SGCE: variants seen among roughly 807,000 people sequenced by gnomAD.
SGCE encodes sarcoglycan epsilon, also known as epsilon-sarcoglycan.
Under a neutral mutation model 57.8 loss-of-function variants are expected in SGCE, and 26 were observed. The observed-to-expected ratio is 0.45, with a 90% CI of 0.33 to 0.62. The LOEUF (loss-of-function observed/expected upper bound fraction) is 0.62, where lower values mean the gene tolerates loss of function less well. Among genes scored for constraint, SGCE ranks in the 20% least tolerant of loss-of-function variants. The pLI is 0.02. For missense variants in SGCE, 468 were observed against 548.6 expected (o/e 0.85, Z 1.47); for synonymous variants, 183 against 189.5 (o/e 0.97, Z 0.28).
At chr7:94,632,819 G>C (rs376117728) in intron 1 of SGCE, among the ~76,000 whole-genome samples, 1 of 151,964 alleles carries the variant, frequency 6.6e-6, no homozygotes. Flanking sequence ...AAATGACACA[G>C]AGAATTCGAA....
At chr7:94,602,222 T>C (rs564176843) in intron 6 of SGCE, among the ~76,000 whole-genome samples, 10 of 152,236 alleles carry the variant, frequency 6.6e-5, no homozygotes, top group South Asian at 2.1e-4. Flanking sequence ...AGCACCATGA[T>C]TGAACAAATT....
chr7:94,610,253 C>G (rs1414845557), intron 5 of SGCE, among the ~76,000 whole-genome samples: 3 of 152,148 alleles, frequency 2.0e-5, no homozygotes, highest in Admixed American at 1.3e-4. Flanking sequence ...AGCAGTGAAA[C>G]TACTCTGTAT....
At chr7:94,601,465 A>C (rs1000905468) in intron 6 of SGCE, among the ~76,000 whole-genome samples, 22 of 148,426 alleles carry the variant, frequency 1.5e-4, no homozygotes, top group Admixed American at 1.3e-3. Flanking sequence ...AAAAAAAAAA[A>C]AAAAAAAAAA....
chr7:94,590,280 A>G (rs901978529), intron 9 of SGCE, among the ~76,000 whole-genome samples: 1 of 152,102 alleles, frequency 6.6e-6, no homozygotes, highest in Non-Finnish European at 1.5e-5. Context: ...ATTTTTAATT[A>G]AAAAAATCTC....
At chr7:94,615,591 G>A (rs1030143146) in intron 5 of SGCE, among the ~76,000 whole-genome samples, 1 of 152,124 alleles carries the variant, frequency 6.6e-6, no homozygotes, top group African/African-American at 2.4e-5. Context: ...GCAAAAAGCA[G>A]ACAATCAGTG....
intron 9 of SGCE, chr7:94,598,522 T>G: frequency 2.2e-6 from 1 of 456,230 alleles, no homozygotes; most frequent in Non-Finnish European, 3.9e-6. Context: ...GAGTTTAATA[T>G]CAGTGTCAAT....
rs1798913576 is a variant in SGCE at position 94,599,688 on chromosome 7, G to A, written c.1064+9C>T. The A allele has an allele frequency of 2.5e-6, 4 of 1,609,062 alleles. No homozygotes were observed. Among genetic ancestry groups the A allele is most frequent in the South Asian group, 2.2e-5 (2 of 90,986 alleles). ...TGATGAAGAAAATAACAGGAAAGAA[G>A]ACACTTACTCTGGTGTTTGCATGTT... On this transcript the variant is annotated intron_variant, in intron 8 of 10. Transcript: ENST00000648936.
chr7:94,651,318 A>T (rs1031624914), intron 1 of SGCE, among the ~76,000 whole-genome samples: 17 of 152,178 alleles, frequency 1.1e-4, no homozygotes, highest in African/African-American at 4.1e-4. Context: ...TAATCCATGG[A>T]TTTTAAAGCA....
intron 5 of SGCE, among the ~76,000 whole-genome samples, chr7:94,605,412 C>T (rs1463697590): frequency 6.6e-6 from 1 of 150,804 alleles, no homozygotes; most frequent in African/African-American, 2.4e-5. Context: ...TAACAGATAA[C>T]TTGTTTAAAA....
chr7:94,630,584 A>G (rs1163800042), intron 1 of SGCE, among the ~76,000 whole-genome samples: 2 of 151,938 alleles, frequency 1.3e-5, no homozygotes, highest in Non-Finnish European at 2.9e-5. Context: ...CCAGTTACTT[A>G]AGACATATGA....
chr7:94,622,722 C>G (rs1427033686), intron 4 of SGCE: 1 of 151,892 alleles, frequency 6.6e-6, no homozygotes, highest in East Asian at 1.9e-4. Flanking sequence ...GAGAATACTT[C>G]CTTATCCCTA....
In SGCE at chr7:94,656,059, C is replaced by T. The variant is rs763973436; in HGVS notation, c.40G>A (p.Ala14Thr). 1 of 1,613,278 alleles carries T rather than the reference C, an allele frequency of 6.2e-7. No homozygotes were observed. The highest frequency in any genetic ancestry group is 1.1e-5 in the South Asian group (1 of 91,054). ...PRWWELGDPC[A>T]WTGQGRGTRR... ...GTCCCCCGACCCTGTCCCGTCCAAG[C>T]ACAGGGGTCTCCCAGCTCCCACCAC... Residue 14 changes from alanine (A) to threonine (T), a missense_variant, in exon 1 of 11, where the codon GCT becomes ACT. Ala to Thr is a moderately conservative substitution (Grantham distance 58, BLOSUM62 0). Transcript: ENST00000648936.
intron 6 of SGCE, among the ~76,000 whole-genome samples, chr7:94,601,274 G>T (rs562814736): frequency 1.3e-5 from 2 of 151,194 alleles, no homozygotes; most frequent in African/African-American, 4.9e-5. Context: ...AGGTATGCAC[G>T]TATGGTTTCT....
intron 7 of SGCE, chr7:94,599,981 T>G: frequency 2.8e-6 from 1 of 356,840 alleles, no homozygotes; most frequent in Non-Finnish European, 5.0e-6. Flanking sequence ...ATAAATTCTA[T>G]GACATAATGA....
chr7:94,628,351 T>C lies in SGCE; in HGVS notation c.241A>G (p.Ser81Gly), dbSNP rs758164053. 2 of 1,607,802 alleles carry C rather than the reference T, an allele frequency of 1.2e-6. No individual in the cohort carries two copies. Among genetic ancestry groups the C allele is most frequent in the Admixed American group, 3.3e-5 (2 of 59,730 alleles). ...GTATTAAATGTTATGGGATCATTAC[T>C]AATCTCGCCTAGATAAGAAACAGAG... Reference protein sequence around the residue: ...FPPYPKPGEISNDPITFNTNL... With the variant: ...FPPYPKPGEIGNDPITFNTNL... Residue 81 changes from serine to glycine, a missense_variant, in exon 3 of 11, where the codon AGT becomes GGT. Physicochemically the swap from Ser to Gly is moderately conservative, Grantham distance 56. Coordinates refer to ENST00000648936, the MANE Select transcript of SGCE (RefSeq NM_003919.3).
chr7:94,646,275 A>G (rs1247361948), intron 1 of SGCE, among the ~76,000 whole-genome samples: 1 of 152,260 alleles, frequency 6.6e-6, no homozygotes, highest in East Asian at 1.9e-4. Context: ...TGTGTGAGCA[A>G]GACTCAACTG....
chr7:94,599,041 T>C (rs1043724249), intron 8 of SGCE, 78 bp from the exon 9 acceptor site: 4 of 1,050,784 alleles, frequency 3.8e-6, no homozygotes, highest in South Asian at 1.4e-5. Flanking sequence ...GAAAAACTTA[T>C]GAAGTATTTT....
Position 94,603,429 on chromosome 7 carries a change from T to G in SGCE, c.686A>C (p.Asp229Ala), listed in dbSNP as rs1212534303. The change falls in exon 6 of 11, where the codon GAT (aspartate) becomes GCT (alanine). Residue 229 changes from aspartate to alanine, a missense_variant. Transcript: ENST00000648936. ...KEGVYVMVGADVPFSSCLREV... is the reference protein window; with the variant it reads ...KEGVYVMVGAAVPFSSCLREV... ...TCGTAAACAAGAAGAAAACGGGACA[T>G]CTGCACCAACCATGACATAAACGCT... 1 of 1,613,402 alleles carries G rather than the reference T, an allele frequency of 6.2e-7. No homozygotes were observed.
intron 1 of SGCE, among the ~76,000 whole-genome samples, chr7:94,635,681 T>C (rs1009976975): frequency 2.6e-5 from 4 of 152,230 alleles, no homozygotes; most frequent in African/African-American, 9.6e-5. Context: ...TACAGTCAAA[T>C]TGAAATTTAA....
Sources: gnomAD v4.1 joint callset for allele counts (sites outside exome capture counted in the v4.1 genomes callset) on GRCh38, gnomAD v4.1.1 for gene constraint, MANE v1.5 for transcripts, NCBI Gene and HGNC (gene_info 2026-07-23, HGNC 2026-07-21) for gene names.